PIAS2: variants seen among roughly 807,000 people sequenced by gnomAD.
PIAS2 encodes the protein E3 SUMO-protein ligase PIAS2.
Under a neutral mutation model 69.7 loss-of-function variants are expected in PIAS2, and 19 were observed. That is an observed-to-expected ratio of 0.27 (90% confidence interval 0.19 to 0.40). The LOEUF is 0.40. PIAS2 is among the 10% of genes least tolerant of loss of function. The pLI is 1.00. For missense variants in PIAS2, 624 were observed against 757.0 expected, an observed-to-expected ratio of 0.82 and a Z score of 2.06; for synonymous variants, 261 against 263.2, an observed-to-expected ratio of 0.99 and a Z score of 0.08.
intron 2 of PIAS2, among the ~76,000 whole-genome samples, chr18:46,876,823 A>C (rs2051286487): frequency 6.6e-6 from 1 of 151,628 alleles, no homozygotes; most frequent in South Asian, 2.1e-4. Context: ...CAGCCTCCCG[A>C]GTAGCTGGGA....
chr18:46,837,645 C>A (rs1286474342), intron 8 of PIAS2, among the ~76,000 whole-genome samples: 2 of 152,054 alleles, frequency 1.3e-5, no homozygotes, highest in African/African-American at 4.8e-5. Flanking sequence ...TTTCAACATA[C>A]TTTTGATTAA....
intron 8 of PIAS2, among the ~76,000 whole-genome samples, chr18:46,838,405 A>G (rs2044771447): frequency 6.6e-6 from 1 of 152,240 alleles, no homozygotes; most frequent in African/African-American, 2.4e-5. Context: ...AGAAAATGGC[A>G]GAGCAGGTCT....
intron 12 of PIAS2, chr18:46,818,395 A>G: frequency 6.3e-7 from 1 of 1,586,470 alleles, no homozygotes. Context: ...GCACAGTATC[A>G]GAAGATGTTC....
At position 46,859,753 on chromosome 18, in the gene PIAS2, T is replaced by C. The variant is rs2048389385; in HGVS notation, c.585-4138A>G. On this transcript the variant is annotated intron_variant, in intron 3 of 13. Transcript: ENST00000585916. ...TCAATTTTAGATGTGTTGTGCTTGA[T>C]GCCCTTGTAGGTCAAAGGAGAGGCA... 2.0e-5 allele frequency among the ~76,000 whole-genome samples: 3 copies of C among 152,204 alleles called. No individual in the cohort carries two copies. The South Asian group carries it at 6.2e-4, about 32-fold the overall frequency.
At chr18:46,824,836 T>C (rs2144866150) in intron 11 of PIAS2, among the ~76,000 whole-genome samples, 2 of 146,822 alleles carry the variant, frequency 1.4e-5, no homozygotes, top group Admixed American at 7.1e-5. Context: ...AACCCCATGT[T>C]TACAAAAAAA....
rs117884261 is a variant in PIAS2, at chr18:46,895,040, T to G, written c.25-3986A>C. Among the ~76,000 whole-genome samples the G allele has an allele frequency of 8.6e-4, 126 of 145,832 alleles. 2 individuals are homozygous for G. In the East Asian group the frequency reaches 0.025, roughly 29 times the overall value. Reference sequence around the variant, plus strand: ...GTGAGTCGAGACCATACCATTGCACTCCAGCCTAGGCAACGAGAGGGAAAC... The same window carrying G: ...GTGAGTCGAGACCATACCATTGCACGCCAGCCTAGGCAACGAGAGGGAAAC... On this transcript the variant is annotated intron_variant, in intron 1 of 13. Transcript: ENST00000585916.
rs945935492 is a variant in PIAS2 at position 46,882,105 on chromosome 18, TG to T, written c.499+8474del. On this transcript the variant is annotated intron_variant, in intron 2 of 13. Transcript: ENST00000585916. ...GAACAAGACTTTGTCTCGGTGGCGG[TG>T]GGGGAAGACTACATAGCCATATCCA... Among the ~76,000 whole-genome samples, 8 of 145,568 alleles carry T rather than the reference TG, an allele frequency of 5.5e-5. No homozygotes were observed. In the East Asian group the frequency reaches 1.4e-3, roughly 26 times the overall value.
chr18:46,877,713 C>A (rs116391789), intron 2 of PIAS2, among the ~76,000 whole-genome samples: 1 of 152,158 alleles, frequency 6.6e-6, no homozygotes, highest in Non-Finnish European at 1.5e-5. Flanking sequence ...AGGGAATAAC[C>A]GCGTTAGGGA....
At chr18:46,918,524 G>A (rs1379351816), upstream of PIAS2, among the ~76,000 whole-genome samples, 1 of 151,996 alleles carries the variant, frequency 6.6e-6, no homozygotes, top group Non-Finnish European at 1.5e-5. Flanking sequence ...GCACGATCTC[G>A]GCTCACCGCA....
chr18:46,838,970 A>G (rs2044879154), intron 8 of PIAS2, among the ~76,000 whole-genome samples: 1 of 152,226 alleles, frequency 6.6e-6, no homozygotes, highest in Admixed American at 6.5e-5. Context: ...CTAAATACCT[A>G]TTCAGCACCC....
At chr18:46,830,581 T>A (rs1487898081) in intron 9 of PIAS2, among the ~76,000 whole-genome samples, 1 of 151,014 alleles carries the variant, frequency 6.6e-6, no homozygotes, top group African/African-American at 2.4e-5. Context: ...AAAAGCAAAT[T>A]ATAGTAAAAG....
rs1473475061 is a variant in PIAS2 at position 46,811,519 on chromosome 18, TATCA to T, written c.*910_*913del. ...ATCTGCTCTTCTGCTGGCTCCAAGA[TATCA>T]ATATTTGATAGTGTGAACAAATTTC... On this transcript the variant is annotated 3_prime_UTR_variant, in exon 14 of 14. Transcript: ENST00000585916. The T allele has an allele frequency of 1.3e-5, 2 of 152,204 alleles. No homozygotes were observed. The highest frequency in any genetic ancestry group is 2.9e-5 in the Non-Finnish European group (2 of 68,038). The allele number at this position is 152,204 out of a possible 1,614,324, so 9.4% of individuals were successfully genotyped here.
chr18:46,815,796 A>G, intron 12 of PIAS2: 1 of 995,354 alleles, frequency 1.0e-6, no homozygotes, highest in Non-Finnish European at 1.2e-6. Context: ...GTCTATTTCA[A>G]TGACAGCTCT....
chr18:46,837,916 C>G (rs946736226), intron 8 of PIAS2, among the ~76,000 whole-genome samples: 1 of 152,176 alleles, frequency 6.6e-6, no homozygotes, highest in African/African-American at 2.4e-5. Context: ...TAGCACAATA[C>G]TAGCTGACAG....
intron 12 of PIAS2, chr18:46,816,815 G>C: frequency 1.0e-6 from 1 of 984,914 alleles, no homozygotes; most frequent in Non-Finnish European, 1.2e-6. Context: ...ATATGACACA[G>C]TGGTTTGAGC....
chr18:46,908,541 TA>T (rs60447275), intron 1 of PIAS2, among the ~76,000 whole-genome samples: 92,627 of 149,192 alleles, frequency 0.62, 29,712 homozygotes, highest in African/African-American at 0.81. Context: ...TGAGAAAAGG[TA>T]AAAAAAAAAC....
chr18:46,881,144 C>T (rs1256498411), intron 2 of PIAS2, among the ~76,000 whole-genome samples: 1 of 152,170 alleles, frequency 6.6e-6, no homozygotes, highest in Non-Finnish European at 1.5e-5. Flanking sequence ...AGTCTCCCAC[C>T]AGTGTGGAGT....
chr18:46,908,304 A>C (rs1411480849), intron 1 of PIAS2, among the ~76,000 whole-genome samples: 1 of 152,196 alleles, frequency 6.6e-6, no homozygotes, highest in African/African-American at 2.4e-5. Context: ...CAGCAGCATC[A>C]TCTTGTTTTA....
intron 13 of PIAS2, among the ~76,000 whole-genome samples, chr18:46,815,028 C>G (rs2144720011): frequency 6.6e-6 from 1 of 152,340 alleles, no homozygotes; most frequent in East Asian, 1.9e-4. Flanking sequence ...CCACCCAGCA[C>G]TGCTTCTATT....
Sources: gnomAD v4.1 joint callset for allele counts (sites outside exome capture counted in the v4.1 genomes callset) on GRCh38, gnomAD v4.1.1 for gene constraint, MANE v1.5 for transcripts, NCBI Gene and HGNC (gene_info 2026-07-23, HGNC 2026-07-21) for gene names.